The following RSPH9 variants were observed in gnomAD, a reference collection of about 807,000 sequenced individuals.
RSPH9 encodes the protein radial spoke head protein 9 homolog.
In RSPH9, 27 loss-of-function variants were observed where a neutral mutation model predicts 27.0. That is an observed-to-expected ratio of 1.00 (90% CI 0.74 to 1.38). RSPH9 has a LOEUF of 1.38. Among genes scored for constraint, RSPH9 ranks in the 40% most tolerant of loss-of-function variants. The pLI, the probability that RSPH9 is intolerant of heterozygous loss-of-function variation, is 0.00. For synonymous variants in RSPH9, 145 were observed against 147.7 expected (o/e 0.98, Z 0.13); for missense variants, 347 against 357.4 (o/e 0.97, Z 0.24).
chr6:43,667,901 AG>A (rs1773306925), intron 4 of RSPH9, among the ~76,000 whole-genome samples: 1 of 152,116 alleles, frequency 6.6e-6, no homozygotes, highest in South Asian at 2.1e-4. Flanking sequence ...TCTTAATCCC[AG>A]AGCTGCCTTT....
intron 1 of RSPH9, among the ~76,000 whole-genome samples, chr6:43,649,170 T>TTTTTTGTTTTGTTTTTG (rs1186763653): frequency 1.3e-5 from 2 of 152,020 alleles, no homozygotes; most frequent in African/African-American, 4.8e-5. Context: ...TGAGCAGTTT[T>TTTTTTGTTTTGTTTTTG]TTTTTGTTTT....
intron 4 of RSPH9, chr6:43,666,489 T>C: frequency 5.8e-6 from 9 of 1,550,350 alleles, no homozygotes; most frequent in Non-Finnish European, 7.8e-6. Flanking sequence ...TGGTTGGCCC[T>C]GTTCCTGGGA....
Position 43,672,273 on chromosome 6 carries a change from A to C in RSPH9, c.*1324A>C. The C allele has an allele frequency of 2.3e-6, 1 of 441,514 alleles. No individual in the cohort carries two copies. The highest frequency in any genetic ancestry group is 1.7e-5 in the South Asian group (1 of 58,302). 27.3% of individuals were successfully genotyped at this position (441,514 alleles called of 1,614,324 possible). ...GCCATGGGGCGAGAAGAGCTGATGT[A>C]AGGCTCTGGAGGAACCCATTGCTCT... On this transcript the variant is annotated 3_prime_UTR_variant, in exon 5 of 5. Coordinates refer to ENST00000372163, the MANE Select transcript of RSPH9 (RefSeq NM_152732.5).
At chr6:43,668,442 G>A (rs192775965) in intron 4 of RSPH9, among the ~76,000 whole-genome samples, 37 of 152,226 alleles carry the variant, frequency 2.4e-4, no homozygotes, top group Non-Finnish European at 5.0e-4. Context: ...TCCCGCCTGC[G>A]CAGCACTGCC....
At chr6:43,659,808 C>T (rs1772426306) in intron 4 of RSPH9, among the ~76,000 whole-genome samples, 1 of 151,930 alleles carries the variant, frequency 6.6e-6, no homozygotes, top group African/African-American at 2.4e-5. Flanking sequence ...TCTCGGCTCA[C>T]TGCAAGCTCC....
intron 4 of RSPH9, among the ~76,000 whole-genome samples, chr6:43,669,519 C>T (rs370861983): frequency 8.5e-5 from 13 of 152,252 alleles, no homozygotes; most frequent in African/African-American, 3.1e-4. Context: ...GGAGGTGGCC[C>T]GTGGGAAGCT....
At position 43,671,086 on chromosome 6, in the gene RSPH9, A is replaced by T; in HGVS notation, c.*137A>T. ...GTTCCAGATTCTGAAAGGCCCACTGAGCCAGGGAGCTCATTTCTAAACCAA... is the reference window on the plus strand; with the variant it reads ...GTTCCAGATTCTGAAAGGCCCACTGTGCCAGGGAGCTCATTTCTAAACCAA... On this transcript the variant is annotated 3_prime_UTR_variant, in exon 5 of 5. Coordinates refer to ENST00000372163, the MANE Select transcript of RSPH9 (RefSeq NM_152732.5). 9.4e-7 allele frequency: 1 copy of T among 1,061,862 alleles called. No homozygotes were observed. Among genetic ancestry groups the T allele is most frequent in the South Asian group, 1.5e-5 (1 of 68,830 alleles). 65.8% of individuals were successfully genotyped at this position (1,061,862 alleles called of 1,614,324 possible).
intron 4 of RSPH9, among the ~76,000 whole-genome samples, chr6:43,665,034 T>A (rs2127926628): frequency 6.6e-6 from 1 of 152,358 alleles, no homozygotes; most frequent in Middle Eastern, 3.4e-3. Context: ...CCTTCTTACC[T>A]GCAGCTGGAT....
intron 4 of RSPH9, among the ~76,000 whole-genome samples, chr6:43,662,967 C>A (rs565269722): frequency 9.8e-5 from 13 of 132,762 alleles, no homozygotes; most frequent in African/African-American, 4.7e-4. Context: ...CCATACCTGG[C>A]ATTTTTTTTT....
chr6:43,645,043 C>A lies in RSPH9; in HGVS notation c.-56C>A. Reference sequence around the variant, plus strand: ...GCGGAAGGGCGGAGCTTCAGGTCTCCATGGAGGCGGCTTCTCCTAGCAACT... The same window carrying A: ...GCGGAAGGGCGGAGCTTCAGGTCTCAATGGAGGCGGCTTCTCCTAGCAACT... On this transcript the variant is annotated 5_prime_UTR_variant, in exon 1 of 5. Transcript: ENST00000372163. The A allele has an allele frequency of 6.7e-7, 1 of 1,488,246 alleles. No individual in the cohort carries two copies. The highest frequency in any genetic ancestry group is 9.3e-7 in the Non-Finnish European group (1 of 1,078,148). The allele number at this position is 1,488,246 out of a possible 1,614,324, so 92.2% of individuals were successfully genotyped here.
rs901970634 is a variant in RSPH9 at position 43,656,810 on chromosome 6, G to T, written c.670+87G>T. The T allele has an allele frequency of 2.1e-6, 3 of 1,460,724 alleles. No homozygotes were observed. The Admixed American group carries it at 5.0e-5, about 24-fold the overall frequency. The allele number at this position is 1,460,724 out of a possible 1,614,324, so 90.5% of individuals were successfully genotyped here. A position where few individuals can be genotyped will look rare whatever the true frequency, so the allele number is the denominator to read the frequency against. ...CACCTGCCATTTTCCTCTGAGACTG[G>T]AACCAAGGGCCTAGTGGGAATTGGT... On this transcript the variant is annotated intron_variant, in intron 4 of 4. Transcript: ENST00000372163.
chr6:43,664,571 G>A (rs1272752666), intron 4 of RSPH9, among the ~76,000 whole-genome samples: 1 of 152,198 alleles, frequency 6.6e-6, no homozygotes. Context: ...GGAATCATGA[G>A]GCCATTTCAG....
chr6:43,654,721 G>A (rs1771832713), intron 2 of RSPH9, among the ~76,000 whole-genome samples: 1 of 152,198 alleles, frequency 6.6e-6, no homozygotes, highest in African/African-American at 2.4e-5. Context: ...TACTCAGGAG[G>A]CTGAGGCAGG....
intron 4 of RSPH9, among the ~76,000 whole-genome samples, chr6:43,666,168 C>A (rs1262720319): frequency 6.6e-6 from 1 of 152,152 alleles, no homozygotes; most frequent in African/African-American, 2.4e-5. Context: ...AGGGTCATGG[C>A]GATGGAGTGG....
intron 4 of RSPH9, among the ~76,000 whole-genome samples, chr6:43,665,746 C>T (rs1773066334): frequency 6.6e-6 from 1 of 152,176 alleles, no homozygotes; most frequent in Non-Finnish European, 1.5e-5. Flanking sequence ...CTGGCCTTAC[C>T]TTGGGAAACC....
intron 1 of RSPH9, among the ~76,000 whole-genome samples, chr6:43,647,645 T>C (rs1375996412): frequency 6.6e-6 from 1 of 152,068 alleles, no homozygotes; most frequent in African/African-American, 2.4e-5. Flanking sequence ...AGGGAAGACA[T>C]AGTGAATTTG....
chr6:43,647,972 T>C (rs1458886150), intron 1 of RSPH9, among the ~76,000 whole-genome samples: 1 of 152,098 alleles, frequency 6.6e-6, no homozygotes, highest in Non-Finnish European at 1.5e-5. Flanking sequence ...CTAAAGGGGA[T>C]AGAGAATACA....
At chr6:43,655,217 C>T (rs1771876728) in intron 2 of RSPH9, among the ~76,000 whole-genome samples, 2 of 152,266 alleles carry the variant, frequency 1.3e-5, no homozygotes, top group South Asian at 2.1e-4. Context: ...GTTAAATATG[C>T]TGATAGGATG....
intron 4 of RSPH9, chr6:43,666,386 C>G: frequency 6.8e-7 from 1 of 1,471,090 alleles, no homozygotes; most frequent in Non-Finnish European, 9.3e-7. Context: ...GATTTGGCAG[C>G]TGTTTTCTGG....
Sources: gnomAD v4.1 joint callset for allele counts (sites outside exome capture counted in the v4.1 genomes callset) on GRCh38, gnomAD v4.1.1 for gene constraint, MANE v1.5 for transcripts, NCBI Gene and HGNC (gene_info 2026-07-23, HGNC 2026-07-21) for gene names.